CSMD1: variants seen among roughly 807,000 people sequenced by gnomAD.
The protein encoded by CSMD1 is CUB and Sushi multiple domains 1.
In CSMD1, 213 loss-of-function variants were observed where a neutral mutation model predicts 417.5. The observed-to-expected ratio is 0.51, with a 90% CI of 0.46 to 0.57. CSMD1 has a LOEUF of 0.57. Ranked by LOEUF, CSMD1 falls within the 20% of genes least tolerant of loss-of-function variation. The pLI, the probability that CSMD1 is intolerant of heterozygous loss-of-function variation, is 0.00. For synonymous variants in CSMD1, 2,862 were observed against 1,736.8 expected (o/e 1.65, Z -16.11); for missense variants, 6,923 against 4,529.7 (o/e 1.53, Z -15.17).
chr8:3,370,975 C>CA (rs58410294), intron 18 of CSMD1, among the ~76,000 whole-genome samples: 16,629 of 143,400 alleles, frequency 0.12, 927 homozygotes, highest in Middle Eastern at 0.16. Context: ...CAAACTCCAT[C>CA]AAAAAAAAAA....
At chr8:2,943,322 G>T (rs1171828619) in intron 68 of CSMD1, among the ~76,000 whole-genome samples, 1 of 151,514 alleles carries the variant, frequency 6.6e-6, no homozygotes, top group East Asian at 1.9e-4. Flanking sequence ...CTGTCTCCCA[G>T]GTTCTAGTGA....
At chr8:3,902,917 T>C (rs368754799) in intron 5 of CSMD1, among the ~76,000 whole-genome samples, 4 of 152,174 alleles carry the variant, frequency 2.6e-5, no homozygotes, top group Non-Finnish European at 5.9e-5. Flanking sequence ...TAACCACTTA[T>C]CTCTTTCTCC....
At chr8:3,373,033 C>T (rs1269320705) in intron 18 of CSMD1, among the ~76,000 whole-genome samples, 2 of 152,116 alleles carry the variant, frequency 1.3e-5, no homozygotes, top group Non-Finnish European at 1.5e-5. Context: ...AAGACGATCA[C>T]CATAATGAAT....
At chr8:3,818,653 G>A (rs189956314) in intron 5 of CSMD1, among the ~76,000 whole-genome samples, 1 of 152,170 alleles carries the variant, frequency 6.6e-6, no homozygotes, top group African/African-American at 2.4e-5. Flanking sequence ...GCCCGGCATC[G>A]TCTGATGACA....
chr8:3,643,563 T>C (rs1474616687), intron 7 of CSMD1, among the ~76,000 whole-genome samples: 7 of 151,770 alleles, frequency 4.6e-5, no homozygotes, highest in Admixed American at 2.6e-4. Context: ...TGGCCGGGCG[T>C]GGTGGCGGGC....
At chr8:4,633,871 T>TA (rs377181018) in intron 2 of CSMD1, among the ~76,000 whole-genome samples, 429 of 152,216 alleles carry the variant, frequency 2.8e-3, no homozygotes, top group African/African-American at 9.8e-3. Context: ...CAAGACATGT[T>TA]AAAAAATAAG....
At chr8:3,627,906 G>C (rs751896362) in intron 7 of CSMD1, among the ~76,000 whole-genome samples, 1 of 152,110 alleles carries the variant, frequency 6.6e-6, no homozygotes, top group Non-Finnish European at 1.5e-5. Context: ...GAGCTTTAAG[G>C]AGATAATATT....
intron 5 of CSMD1, among the ~76,000 whole-genome samples, chr8:3,994,058 T>A (rs1814971251): frequency 6.6e-6 from 1 of 152,176 alleles, no homozygotes; most frequent in African/African-American, 2.4e-5. Flanking sequence ...TGTGGACAGC[T>A]TGGGAAGGCA....
In CSMD1 at chr8:3,485,040, C is replaced by G. The variant is rs577185198; in HGVS notation, c.1448+8583G>C. On this transcript the variant is annotated intron_variant, in intron 11 of 69. Transcript: ENST00000635120. ...AACTAAACATACAACCAACATACAA[C>G]TCAAGCAATTACACTCCTAAGTAAT... is the stretch of plus-strand genomic sequence containing the variant. Among the ~76,000 whole-genome samples the G allele has an allele frequency of 3.3e-5, 5 of 152,280 alleles. No homozygotes were observed. In the South Asian group the frequency reaches 1.0e-3, roughly 32 times the overall value.
chr8:4,558,672 G>A (rs1326208338), intron 2 of CSMD1, among the ~76,000 whole-genome samples: 1 of 152,020 alleles, frequency 6.6e-6, no homozygotes, highest in Admixed American at 6.6e-5. Context: ...TTCTAGACCA[G>A]GCTGGCCAAC....
rs1213959766 is a variant in CSMD1, at chr8:3,288,051, T to C, written c.3951-3705A>G. Among the ~76,000 whole-genome samples the C allele has an allele frequency of 4.1e-5, 6 of 147,538 alleles. 2 individuals are homozygous for C. Among genetic ancestry groups the C allele is most frequent in the African/African-American group, 1.1e-4 (4 of 37,224 alleles). Reference sequence around the variant, plus strand: ...TTGTCAAAGGCCTTTTCTGCATCTATTGAGATAATCATGTGGTTTTTGTCT... The same window carrying C: ...TTGTCAAAGGCCTTTTCTGCATCTACTGAGATAATCATGTGGTTTTTGTCT... On this transcript the variant is annotated intron_variant, in intron 25 of 69. Coordinates refer to ENST00000635120, the MANE Select transcript of CSMD1 (RefSeq NM_033225.6).
At chr8:4,873,397 A>T (rs1325601345) in intron 1 of CSMD1, among the ~76,000 whole-genome samples, 2 of 152,136 alleles carry the variant, frequency 1.3e-5, no homozygotes, top group South Asian at 4.1e-4. Context: ...ACTCCCGGAC[A>T]CTCAGCAGGA....
chr8:4,119,890 T>C (rs1158161634), intron 3 of CSMD1, among the ~76,000 whole-genome samples: 2 of 152,232 alleles, frequency 1.3e-5, no homozygotes, highest in Non-Finnish European at 2.9e-5. Context: ...TACAGGACAG[T>C]TGCCGGAGTC....
chr8:4,188,291 C>T (rs750526393), intron 3 of CSMD1, among the ~76,000 whole-genome samples: 3 of 152,114 alleles, frequency 2.0e-5, no homozygotes, highest in Non-Finnish European at 4.4e-5. Context: ...CGGTCAATGT[C>T]CCCCGGTTGT....
intron 3 of CSMD1, among the ~76,000 whole-genome samples, chr8:4,251,284 G>C (rs1182945767): frequency 6.6e-6 from 1 of 152,060 alleles, no homozygotes; most frequent in Admixed American, 6.5e-5. Context: ...TAAAAAAAAT[G>C]TTAAAAAGTA....
intron 10 of CSMD1, among the ~76,000 whole-genome samples, chr8:3,500,549 G>A (rs942081002): frequency 2.0e-5 from 3 of 152,196 alleles, no homozygotes; most frequent in South Asian, 4.1e-4. Context: ...TTCATATTTA[G>A]AGGTCAAGGA....
intron 37 of CSMD1, among the ~76,000 whole-genome samples, chr8:3,165,138 A>G (rs1371552678): frequency 6.6e-6 from 1 of 152,122 alleles, no homozygotes; most frequent in Non-Finnish European, 1.5e-5. Flanking sequence ...AAAAAGAACC[A>G]TCTTTTCTTC....
intron 49 of CSMD1, among the ~76,000 whole-genome samples, chr8:3,072,849 T>C (rs1244071808): frequency 3.3e-5 from 5 of 152,174 alleles, no homozygotes; most frequent in African/African-American, 1.2e-4. Context: ...GTGCCCACTT[T>C]TCAGTATTAA....
At chr8:4,309,517 A>G (rs1798442073) in intron 3 of CSMD1, among the ~76,000 whole-genome samples, 1 of 152,136 alleles carries the variant, frequency 6.6e-6, no homozygotes, top group African/African-American at 2.4e-5. Flanking sequence ...CTAAAAGGTA[A>G]ATCCTGTAAC....
Sources: allele counts gnomAD v4.1 joint callset (sites outside exome capture counted in the v4.1 genomes callset), GRCh38; gene constraint gnomAD v4.1.1; transcripts MANE v1.5; gene names NCBI Gene and HGNC (gene_info 2026-07-23, HGNC 2026-07-21).